MAGI2: variants seen among roughly 807,000 people sequenced by gnomAD.
The protein encoded by MAGI2 is membrane-associated guanylate kinase, WW and PDZ domain-containing protein 2.
A neutral mutation model predicts 133.3 loss-of-function variants in MAGI2; 35 were observed. The observed-to-expected ratio is 0.26, with a 90% CI of 0.20 to 0.35. MAGI2 has a LOEUF of 0.35. Among genes scored for constraint, MAGI2 ranks in the 10% least tolerant of loss-of-function variants. The probability of loss-of-function intolerance (pLI) is 1.00; values close to 1 mark genes in which losing one functional copy is unlikely to be tolerated. For missense variants in MAGI2, 1,636 were observed against 1,863.4 expected, an observed-to-expected ratio of 0.88 and a Z score of 2.25; for synonymous variants, 729 against 710.6, an observed-to-expected ratio of 1.03 and a Z score of -0.41.
At chr7:79,097,073 T>G (rs563418433) in intron 1 of MAGI2, among the ~76,000 whole-genome samples, 2 of 152,326 alleles carry the variant, frequency 1.3e-5, no homozygotes, top group African/African-American at 4.8e-5. Context: ...TTAGTATATT[T>G]AAAATTACAC....
intron 2 of MAGI2, among the ~76,000 whole-genome samples, chr7:78,665,893 T>A (rs1813514380): frequency 1.3e-5 from 2 of 152,138 alleles, no homozygotes; most frequent in Admixed American, 1.3e-4. Flanking sequence ...AGTCTGTATC[T>A]TTATGGAGCT....
At chr7:79,340,891 C>T (rs549870688) in intron 1 of MAGI2, among the ~76,000 whole-genome samples, 67 of 152,152 alleles carry the variant, frequency 4.4e-4, no homozygotes, top group Admixed American at 1.1e-3. Context: ...GGAGCCAGCA[C>T]GAGTCCTGGA....
chr7:79,039,730 C>T (rs1455650006), intron 1 of MAGI2, among the ~76,000 whole-genome samples: 5 of 151,004 alleles, frequency 3.3e-5, no homozygotes, highest in African/African-American at 4.9e-5. Flanking sequence ...ATCTGTAATC[C>T]GAGCACTTTG....
At chr7:78,950,026 A>T (rs1801741149) in intron 2 of MAGI2, among the ~76,000 whole-genome samples, 1 of 152,056 alleles carries the variant, frequency 6.6e-6, no homozygotes, top group African/African-American at 2.4e-5. Context: ...CTTAGAACTC[A>T]TCTGTAGTCT....
intron 1 of MAGI2, among the ~76,000 whole-genome samples, chr7:79,084,705 T>A (rs949576182): frequency 2.6e-5 from 4 of 151,948 alleles, no homozygotes; most frequent in Admixed American, 6.6e-5. Context: ...GATCTTCTAC[T>A]AAGTTATGTC....
At chr7:78,036,376 GT>G (rs1291833532) in intron 21 of MAGI2, among the ~76,000 whole-genome samples, 7 of 148,204 alleles carry the variant, frequency 4.7e-5, no homozygotes, top group East Asian at 2.0e-4. Flanking sequence ...ATCTAACATG[GT>G]TTTTGGCATA....
intron 1 of MAGI2, among the ~76,000 whole-genome samples, chr7:79,170,267 C>T (rs1189075127): frequency 6.8e-6 from 1 of 146,356 alleles, no homozygotes; most frequent in Non-Finnish European, 1.5e-5. Context: ...GCACCTTAAA[C>T]TCCCCAGCAA....
intron 1 of MAGI2, among the ~76,000 whole-genome samples, chr7:79,357,384 T>G (rs375085628): frequency 2.0e-5 from 3 of 151,942 alleles, no homozygotes; most frequent in East Asian, 3.9e-4. Flanking sequence ...GCATAAATGC[T>G]GACTGCAATT....
At chr7:78,390,493 A>G (rs1795800841) in intron 6 of MAGI2, among the ~76,000 whole-genome samples, 1 of 152,174 alleles carries the variant, frequency 6.6e-6, no homozygotes, top group South Asian at 2.1e-4. Context: ...GGTCCATCGT[A>G]TAGTTCTCTG....
intron 6 of MAGI2, among the ~76,000 whole-genome samples, chr7:78,438,969 G>A (rs1212962956): frequency 6.6e-6 from 1 of 152,158 alleles, no homozygotes; most frequent in South Asian, 2.1e-4. Flanking sequence ...AACTGCAAGT[G>A]CATCAAGACA....
intron 6 of MAGI2, among the ~76,000 whole-genome samples, chr7:78,418,669 C>T (rs1471351908): frequency 6.6e-6 from 1 of 152,104 alleles, no homozygotes; most frequent in Non-Finnish European, 1.5e-5. Context: ...CTAGATAGTG[C>T]TATGAAAACC....
chr7:78,052,717 G>C (rs910541218), intron 21 of MAGI2, among the ~76,000 whole-genome samples: 1 of 152,188 alleles, frequency 6.6e-6, no homozygotes, highest in African/African-American at 2.4e-5. Flanking sequence ...GGCTCCCAAA[G>C]CTGGTTATAT....
intron 20 of MAGI2, among the ~76,000 whole-genome samples, chr7:78,082,792 C>G (rs1453193192): frequency 6.6e-6 from 1 of 152,132 alleles, no homozygotes; most frequent in East Asian, 1.9e-4. Context: ...GGCTGACTCA[C>G]GGGGACCTGG....
At chr7:79,180,648 C>T (rs541494681) in intron 1 of MAGI2, among the ~76,000 whole-genome samples, 42 of 152,058 alleles carry the variant, frequency 2.8e-4, no homozygotes, top group African/African-American at 9.9e-4. Flanking sequence ...TCCCAAATCT[C>T]ATGTCCTCAC....
At chr7:78,780,118 A>G (rs1486217487) in intron 2 of MAGI2, among the ~76,000 whole-genome samples, 1 of 152,260 alleles carries the variant, frequency 6.6e-6, no homozygotes, top group Admixed American at 6.5e-5. Context: ...AATGCGTGTT[A>G]TGACAATGTG....
intron 10 of MAGI2, among the ~76,000 whole-genome samples, chr7:78,212,417 A>G (rs1265329821): frequency 2.0e-5 from 3 of 152,126 alleles, no homozygotes; most frequent in Non-Finnish European, 4.4e-5. Context: ...AGCTAGAGAG[A>G]GATGGCAGCG....
chr7:78,744,957 T>A (rs903002129), intron 2 of MAGI2, among the ~76,000 whole-genome samples: 1 of 152,198 alleles, frequency 6.6e-6, no homozygotes, highest in African/African-American at 2.4e-5. Context: ...TAATAATAGT[T>A]AGAGCTGACT....
chr7:79,211,816 CAG>C (rs1431573179), intron 1 of MAGI2, among the ~76,000 whole-genome samples: 3 of 151,972 alleles, frequency 2.0e-5, no homozygotes, highest in Admixed American at 6.6e-5. Flanking sequence ...ATTTAGGTAA[CAG>C]AGGGTAAAAC....
intron 1 of MAGI2, among the ~76,000 whole-genome samples, chr7:79,025,787 CAG>C (rs1359342861): frequency 6.6e-5 from 10 of 152,112 alleles, no homozygotes; most frequent in African/African-American, 2.4e-4. Context: ...ATACCAACGT[CAG>C]AGATTTCAGT....
Sources: allele counts gnomAD v4.1 joint callset (sites outside exome capture counted in the v4.1 genomes callset), GRCh38; gene constraint gnomAD v4.1.1; transcripts MANE v1.5; gene names NCBI Gene and HGNC (gene_info 2026-07-23, HGNC 2026-07-21).